Variants in CAMTA1 observed in about 807,000 individuals in gnomAD.
CAMTA1 encodes the protein calmodulin-binding transcription activator 1.
CAMTA1 carries 27 observed loss-of-function variants against 170.9 expected under a neutral mutation model. The ratio of observed to expected loss-of-function variants is 0.16; its 90% confidence interval spans 0.12 to 0.22. The LOEUF is 0.22. CAMTA1 is among the 10% of genes least tolerant of loss of function. The pLI is 1.00. For missense variants in CAMTA1, 1,619 were observed against 2,217.2 expected, an observed-to-expected ratio of 0.73 and a Z score of 5.42; for synonymous variants, 833 against 891.5, an observed-to-expected ratio of 0.93 and a Z score of 1.17.
Position 7,333,336 on chromosome 1 carries a change from G to C in CAMTA1, c.438+83710G>C, listed in dbSNP as rs1209437157. 6.6e-6 allele frequency among the ~76,000 whole-genome samples: 1 copy of C among 152,186 alleles called. No individual in the cohort carries two copies. Among genetic ancestry groups the C allele is most frequent in the Non-Finnish European group, 1.5e-5 (1 of 68,032 alleles). On this transcript the variant is annotated intron_variant, in intron 5 of 22. Coordinates refer to ENST00000303635, the MANE Select transcript of CAMTA1 (RefSeq NM_015215.4). This position sits in a 1 kb window ranked among gnomAD's most constrained non-coding sequence, Gnocchi z 4.4. ...AGTTGTCATTCCTGCCGGTGAGGGAGAGACCCGCAGGGGAGTCGGATCTGA... is the reference window on the plus strand; with the variant it reads ...AGTTGTCATTCCTGCCGGTGAGGGACAGACCCGCAGGGGAGTCGGATCTGA...
chr1:6,902,301 T>C (rs1459746200), intron 3 of CAMTA1, among the ~76,000 whole-genome samples: 2 of 152,174 alleles, frequency 1.3e-5, no homozygotes, highest in South Asian at 2.1e-4. Flanking sequence ...GCATTACTCA[T>C]GATGTTCAAA....
chr1:6,842,299 G>A (rs1451541751), intron 3 of CAMTA1, among the ~76,000 whole-genome samples: 2 of 152,212 alleles, frequency 1.3e-5, no homozygotes, highest in African/African-American at 4.8e-5. Flanking sequence ...GGGCGTCATA[G>A]TGAGTGTAAA....
intron 5 of CAMTA1, among the ~76,000 whole-genome samples, chr1:7,434,705 C>G (rs568001948): frequency 3.3e-5 from 5 of 152,138 alleles, no homozygotes; most frequent in African/African-American, 1.2e-4. Context: ...AGCATCTTAC[C>G]TAGTGAGGGC....
rs1666645942 is a variant in CAMTA1 at position 7,251,546 on chromosome 1, TG to T, written c.438+1922del. Among the ~76,000 whole-genome samples, 5 of 152,300 alleles carry T rather than the reference TG, an allele frequency of 3.3e-5. No individual in the cohort carries two copies. In the South Asian group the frequency reaches 1.0e-3, roughly 32 times the overall value. ...CCACCTACTATGATGCATTATGTGG[TG>T]GCCTTGCCCGTGAGCTCAGCGAGTT... On this transcript the variant is annotated intron_variant, in intron 5 of 22. Coordinates refer to ENST00000303635, the MANE Select transcript of CAMTA1 (RefSeq NM_015215.4). This position sits in a 1 kb window ranked among gnomAD's most constrained non-coding sequence, Gnocchi z 5.1.
intron 3 of CAMTA1, among the ~76,000 whole-genome samples, chr1:6,964,334 G>A (rs1397132891): frequency 6.9e-6 from 1 of 143,940 alleles, no homozygotes; most frequent in Non-Finnish European, 1.6e-5. Flanking sequence ...AGGGTGCAGC[G>A]TCCTGGGTAC....
intron 6 of CAMTA1, among the ~76,000 whole-genome samples, chr1:7,578,875 A>G (rs1232875232): frequency 6.6e-6 from 1 of 152,192 alleles, no homozygotes; most frequent in South Asian, 2.1e-4. Context: ...AAGTCCCCCA[A>G]AACTGTTGCA....
chr1:7,068,826 C>T (rs1447722498), intron 3 of CAMTA1, among the ~76,000 whole-genome samples: 1 of 152,210 alleles, frequency 6.6e-6, no homozygotes, highest in Non-Finnish European at 1.5e-5. Context: ...AATCTTCTTT[C>T]TCTTTCTTAT....
chr1:7,203,220 C>A lies in CAMTA1; in HGVS notation c.303-46271C>A, dbSNP rs534726431. Among the ~76,000 whole-genome samples, 20 of 152,132 alleles carry A rather than the reference C, an allele frequency of 1.3e-4. No individual in the cohort carries two copies. The South Asian group carries it at 3.9e-3, about 30-fold the overall frequency. The stretch of plus-strand genomic sequence containing the variant: ...TCTTACTTGGTCATGGTATGTAATT[C>A]TTTTTACATGTTGCTGGATTCAGTT... On this transcript the variant is annotated intron_variant, in intron 4 of 22. Transcript: ENST00000303635.
chr1:7,170,504 C>G (rs1282455831), intron 4 of CAMTA1, among the ~76,000 whole-genome samples: 1 of 152,050 alleles, frequency 6.6e-6, no homozygotes, highest in Non-Finnish European at 1.5e-5. Flanking sequence ...GTGGTAGTCC[C>G]CTCCCTGTGT....
intron 6 of CAMTA1, among the ~76,000 whole-genome samples, chr1:7,616,610 C>G (rs2095560649): frequency 6.6e-6 from 1 of 152,214 alleles, no homozygotes; most frequent in South Asian, 2.1e-4. Flanking sequence ...TCCCCAGGGA[C>G]ACATTCCTGC....
rs1288526659 is a variant in CAMTA1, at chr1:7,599,800, G to A, written c.511-40600G>A. Among the ~76,000 whole-genome samples the A allele has an allele frequency of 2.0e-5, 3 of 152,284 alleles. No homozygotes were observed. The East Asian group carries it at 5.8e-4, about 29-fold the overall frequency. On this transcript the variant is annotated intron_variant, in intron 6 of 22. Coordinates refer to ENST00000303635, the MANE Select transcript of CAMTA1 (RefSeq NM_015215.4). The stretch of plus-strand genomic sequence containing the variant: ...TTTGCACATTGATTTTGTATCCTGA[G>A]ACTTTGCTGAAGTTGCCTATCAGCT...
intron 5 of CAMTA1, among the ~76,000 whole-genome samples, chr1:7,448,883 C>T (rs908293647): frequency 6.6e-6 from 1 of 152,264 alleles, no homozygotes; most frequent in African/African-American, 2.4e-5. Context: ...TTGCAGGCCC[C>T]TCTGTGGGCG....
At chr1:7,612,463 A>T (rs2095530357) in intron 6 of CAMTA1, among the ~76,000 whole-genome samples, 1 of 152,196 alleles carries the variant, frequency 6.6e-6, no homozygotes, top group South Asian at 2.1e-4. Flanking sequence ...CTTGGGGTTT[A>T]TATGAGTACA....
chr1:6,893,774 G>T (rs766482760), intron 3 of CAMTA1, among the ~76,000 whole-genome samples: 9 of 152,180 alleles, frequency 5.9e-5, no homozygotes, highest in Non-Finnish European at 7.3e-5. Flanking sequence ...TTGTCAGGCT[G>T]CGAGGGAAGG....
intron 3 of CAMTA1, among the ~76,000 whole-genome samples, chr1:7,013,017 A>G (rs529090480): frequency 6.7e-6 from 1 of 149,932 alleles, no homozygotes; most frequent in African/African-American, 2.5e-5. Context: ...CTTGGGCCAA[A>G]AGCCTTGGGA....
chr1:7,697,278 G>A (rs2096386649), intron 11 of CAMTA1, among the ~76,000 whole-genome samples: 1 of 113,484 alleles, frequency 8.8e-6, no homozygotes, highest in Non-Finnish European at 1.8e-5. Context: ...ACCAGGCCCT[G>A]GGCTATCTAT....
chr1:7,673,329 C>T lies in CAMTA1; in HGVS notation c.2779+2292C>T, dbSNP rs570751923. 6.6e-6 allele frequency among the ~76,000 whole-genome samples: 1 copy of T among 152,380 alleles called. No homozygotes were observed. The highest frequency in any genetic ancestry group is 1.9e-4 in the East Asian group (1 of 5,182). The stretch of plus-strand genomic sequence containing the variant: ...GCCTGACCTCTCTGGGCCTCAGTTT[C>T]TACAGCTCTGAAAACTGCCTGCCAG... On this transcript the variant is annotated intron_variant, in intron 10 of 22. Coordinates refer to ENST00000303635, the MANE Select transcript of CAMTA1 (RefSeq NM_015215.4). The surrounding 1 kb of genome is among the most constrained non-coding windows in gnomAD (Gnocchi z 4.6).
At chr1:7,148,332 A>T (rs1176910692) in intron 4 of CAMTA1, among the ~76,000 whole-genome samples, 1 of 151,380 alleles carries the variant, frequency 6.6e-6, no homozygotes. Flanking sequence ...CCACACACAC[A>T]CCACACACTC....
chr1:7,111,074 T>C (rs930704247), intron 4 of CAMTA1, among the ~76,000 whole-genome samples: 1 of 152,192 alleles, frequency 6.6e-6, no homozygotes, highest in Admixed American at 6.5e-5. Context: ...TGGCTCTGGG[T>C]CCCTTCCCCC....
Sources: gnomAD v4.1 joint callset for allele counts (sites outside exome capture counted in the v4.1 genomes callset) on GRCh38, gnomAD v4.1.1 for gene constraint, Gnocchi (gnomAD v3.1) non-coding constraint, MANE v1.5 for transcripts, NCBI Gene and HGNC (gene_info 2026-07-23, HGNC 2026-07-21) for gene names.